RPS17: variants seen among roughly 807,000 people sequenced by gnomAD.
RPS17 encodes small ribosomal subunit protein eS17.
For missense variants in RPS17, 68 were observed against 182.3 expected, an observed-to-expected ratio of 0.37 and a Z score of 3.61; for synonymous variants, 75 against 65.6, an observed-to-expected ratio of 1.14 and a Z score of -0.70.
At position 82,540,253 on chromosome 15, in the gene RPS17, G is replaced by A. The variant is rs1016525310; in HGVS notation, c.4-121C>T. On this transcript the variant is annotated intron_variant, in intron 1 of 4. Coordinates refer to ENST00000647841, the MANE Select transcript of RPS17 (RefSeq NM_001021.6). Reference sequence around the variant, plus strand: ...GCTGCGCTGAGCCGGAGAGGGCCCGGCTAAACAGTGCCGGGCGCCGGGCTT... The same window carrying A: ...GCTGCGCTGAGCCGGAGAGGGCCCGACTAAACAGTGCCGGGCGCCGGGCTT... 7 of 1,605,480 alleles carry A rather than the reference G, an allele frequency of 4.4e-6. No individual in the cohort carries two copies. The African/African-American group carries it at 6.7e-5, about 15-fold the overall frequency.
chr15:82,540,251 CGGCTAAACAGTGCCGGGCGCCG>C, intron 1 of RPS17, 119 bp from the exon 2 acceptor site: 1 of 1,606,826 alleles, frequency 6.2e-7, no homozygotes, highest in South Asian at 1.1e-5. Flanking sequence ...GGAGAGGGCC[CGGCTAAACAGTGCCGGGCGCCG>C]GGCTTAATGC....
At chr15:82,540,197 G>A in intron 1 of RPS17, 65 bp from the exon 2 acceptor site, 1 of 1,612,800 alleles carries the variant, frequency 6.2e-7, no homozygotes, top group African/African-American at 1.3e-5. Flanking sequence ...GTGCGGCGCC[G>A]AGCCCCGGCC....
intron 4 of RPS17, chr15:82,537,867 C>G (rs1429359997): frequency 1.3e-5 from 6 of 456,246 alleles, no homozygotes; most frequent in Non-Finnish European, 2.6e-5. Flanking sequence ...ATAGAAAAAA[C>G]ATCAAAGTGC....
At chr15:82,539,816 T>A in intron 2 of RPS17, 165 bp downstream of exon 2, 1 of 1,282,670 alleles carries the variant, frequency 7.8e-7, no homozygotes, top group South Asian at 1.2e-5. Flanking sequence ...CAGGCCTAAG[T>A]TCACAACAGA....
intron 2 of RPS17, chr15:82,539,320 T>C: frequency 2.0e-6 from 1 of 500,636 alleles, no homozygotes; most frequent in South Asian, 1.5e-5. Context: ...ATACGTTGAC[T>C]TTGGCACTAT....
intron 2 of RPS17, 183 bp downstream of exon 2, chr15:82,539,788 CCGCGGCCAGT>C: frequency 1.0e-6 from 1 of 994,786 alleles, no homozygotes; most frequent in Non-Finnish European, 1.6e-6. Flanking sequence ...CCCAGGGTCA[CCGCGGCCAGT>C]CATGACACAG....
chr15:82,539,227 T>TCCCCCCCCCCCCCCCCC, intron 2 of RPS17: 1 of 606,028 alleles, frequency 1.7e-6, no homozygotes, highest in South Asian at 1.6e-5. Context: ...CACCCCCAAC[T>TCCCCCCCCCCCCCCCCC]CGCCCCGCCC....
In RPS17 at chr15:82,540,417, A is replaced by C. The variant is rs2034331294; in HGVS notation, c.3+9T>G. On this transcript the variant is annotated intron_variant, in intron 1 of 4. Coordinates refer to ENST00000647841, the MANE Select transcript of RPS17 (RefSeq NM_001021.6). ...GTGGAGGATGGCGGCCTCGAGCCAAAACACCTACCATGTTGGCGGGTCCTT... is the reference window on the plus strand; with the variant it reads ...GTGGAGGATGGCGGCCTCGAGCCAACACACCTACCATGTTGGCGGGTCCTT... The C allele has an allele frequency of 2.5e-6, 4 of 1,596,214 alleles. No homozygotes were observed. Among genetic ancestry groups the C allele is most frequent in the African/African-American group, 1.3e-5 (1 of 74,948 alleles).
chr15:82,538,228 G>A (rs1595979176), intron 4 of RPS17, 78 bp downstream of exon 4: 3 of 1,509,690 alleles, frequency 2.0e-6, no homozygotes, highest in Non-Finnish European at 2.8e-6. Flanking sequence ...CTTACTAGCT[G>A]GGTGACCTTG....
chr15:82,539,764 G>A (rs1158788522), intron 2 of RPS17: 6 of 753,394 alleles, frequency 8.0e-6, no homozygotes, highest in African/African-American at 6.9e-5. Context: ...AGGTCTGACG[G>A]TGGCTACCTT....
chr15:82,540,221 A>C lies in RPS17; in HGVS notation c.4-89T>G. 4.3e-6 allele frequency: 7 copies of C among 1,610,610 alleles called. No individual in the cohort carries two copies. In the South Asian group the frequency reaches 4.4e-5, roughly 10 times the overall value. ...CGAGCCCCGGCCGGTGTGGTTGGGG[A>C]CCGCCGGCTGCGCTGAGCCGGAGAG... On this transcript the variant is annotated intron_variant, in intron 1 of 4. Coordinates refer to ENST00000647841, the MANE Select transcript of RPS17 (RefSeq NM_001021.6).
chr15:82,538,297 A>G lies in RPS17; in HGVS notation c.327+9T>C. 6.2e-7 allele frequency: 1 copy of G among 1,613,634 alleles called. No homozygotes were observed. The highest frequency in any genetic ancestry group is 2.2e-5 in the East Asian group (1 of 44,870). ...AAAATACCACTTTAGGAATCCAGCA[A>G]ACACTTACCAAAAGCTTCAGCATTT... On this transcript the variant is annotated intron_variant, in intron 4 of 4. Coordinates refer to ENST00000647841, the MANE Select transcript of RPS17 (RefSeq NM_001021.6).
chr15:82,539,645 C>A (rs2034307949), intron 2 of RPS17: 1 of 425,836 alleles, frequency 2.3e-6, no homozygotes, highest in Non-Finnish European at 4.4e-6. Context: ...GCCGAGATGG[C>A]GCCACTGCAC....
intron 2 of RPS17, chr15:82,539,545 CGA>C (rs2034305755): frequency 2.3e-6 from 1 of 444,350 alleles, no homozygotes; most frequent in Non-Finnish European, 4.5e-6. Flanking sequence ...AAAAATTAGC[CGA>C]GTGTGGTAGC....
intron 1 of RPS17, 31 bp downstream of exon 1, chr15:82,540,395 G>C (rs1168049393): frequency 2.5e-6 from 4 of 1,592,922 alleles, no homozygotes; most frequent in Admixed American, 1.8e-5. Context: ...GACGATTGTG[G>C]AGGATGGCGG....
intron 2 of RPS17, 76 bp downstream of exon 2, chr15:82,539,905 C>G: frequency 6.2e-7 from 1 of 1,610,574 alleles, no homozygotes; most frequent in Non-Finnish European, 8.5e-7. Flanking sequence ...AAGGCACCGT[C>G]TCTTCCCGAG....
chr15:82,539,399 G>A (rs1027613399), intron 2 of RPS17: 8 of 462,672 alleles, frequency 1.7e-5, no homozygotes, highest in Non-Finnish European at 3.5e-5. Flanking sequence ...ATTAGAAGTT[G>A]ACATCCAGCC....
chr15:82,540,147 G>A lies in RPS17; in HGVS notation c.4-15C>T, dbSNP rs1420651158. The A allele has an allele frequency of 5.1e-5, 83 of 1,613,606 alleles. No homozygotes were observed. The highest frequency in any genetic ancestry group is 1.7e-4 in the Middle Eastern group (1 of 5,840). ...CGAACGCGGCCCTGCGGGTGGAGAG[G>A]ACAGGATCACTCACGAGCCAGCGCA... On this transcript the variant is annotated splice_polypyrimidine_tract_variant and intron_variant, in intron 1 of 4. Transcript: ENST00000647841.
chr15:82,536,895 A>G lies in RPS17; in HGVS notation c.328-14T>C. On this transcript the variant is annotated splice_polypyrimidine_tract_variant and intron_variant, in intron 4 of 4. Coordinates refer to ENST00000647841, the MANE Select transcript of RPS17 (RefSeq NM_001021.6). ...ACTGCCGAAGTCCTGGAACGAGAAA[A>G]TGGATTCAGTGAGCAGTTACTGGTG... is the stretch of plus-strand genomic sequence containing the variant. The G allele has an allele frequency of 6.2e-7, 1 of 1,613,952 alleles. No homozygotes were observed. Among genetic ancestry groups the G allele is most frequent in the Non-Finnish European group, 8.5e-7 (1 of 1,179,860 alleles).
Sources: allele counts gnomAD v4.1 joint callset, GRCh38; gene constraint gnomAD v4.1.1; transcripts MANE v1.5; gene names NCBI Gene and HGNC (gene_info 2026-07-23, HGNC 2026-07-21).